Variants in CCDC88A observed in about 807,000 individuals in gnomAD.
The protein encoded by CCDC88A is girdin.
Under a neutral mutation model 234.3 loss-of-function variants are expected in CCDC88A, and 54 were observed. The observed-to-expected ratio is 0.23, with a 90% CI of 0.19 to 0.29. The LOEUF (loss-of-function observed/expected upper bound fraction) is 0.29, where lower values mean the gene tolerates loss of function less well. Among genes scored for constraint, CCDC88A ranks in the 10% least tolerant of loss-of-function variants. CCDC88A has a pLI of 1.00. For missense variants in CCDC88A, 1,832 were observed against 2,123.4 expected (o/e 0.86, Z 2.70); for synonymous variants, 753 against 737.8 (o/e 1.02, Z -0.33).
chr2:55,326,800 A>G (rs981223850), intron 17 of CCDC88A, among the ~76,000 whole-genome samples: 1 of 152,160 alleles, frequency 6.6e-6, no homozygotes, highest in African/African-American at 2.4e-5. Context: ...TGAACTCCCA[A>G]CCTAAAAAGA....
At chr2:55,374,506 T>A (rs7575929) in intron 4 of CCDC88A, among the ~76,000 whole-genome samples, 77,076 of 152,146 alleles carry the variant, frequency 0.51, 21,624 homozygotes, top group Admixed American at 0.63. Context: ...AAGGTAATAT[T>A]CTTTTAAGTT....
rs113209169 is a variant in CCDC88A at position 55,308,897 on chromosome 2, C to T, written c.4299G>A (p.Gln1433=). Residue 1433 remains glutamine, a synonymous_variant, in exon 25 of 33, where the codon CAG becomes CAA. Transcript: ENST00000436346. ...TATCTTGACTGTCTTGATGAGGGAGCTGAAGAAATCCTTCACTGGAGTCTG... is the reference window on the plus strand; with the variant it reads ...TATCTTGACTGTCTTGATGAGGGAGTTGAAGAAATCCTTCACTGGAGTCTG... The part of the protein sequence containing the change: ...TRSDSSEGFL[Q]LPHQDSQDSS... The T allele has an allele frequency of 6.2e-7, 1 of 1,614,062 alleles. No homozygotes were observed. Among genetic ancestry groups the T allele is most frequent in the African/African-American group, 1.3e-5 (1 of 75,030 alleles).
chr2:55,346,838 C>T (rs367557815), intron 9 of CCDC88A, among the ~76,000 whole-genome samples: 76 of 151,934 alleles, frequency 5.0e-4, no homozygotes, highest in African/African-American at 1.7e-3. Flanking sequence ...TTTCCATTAT[C>T]GTGGATATGT....
chr2:55,394,695 T>C (rs1677219189), intron 2 of CCDC88A: 1 of 147,914 alleles, frequency 6.8e-6, no homozygotes, highest in Admixed American at 6.7e-5. Context: ...CATTAGGAGA[T>C]ATACCTAATG....
At chr2:55,372,387 A>C in intron 5 of CCDC88A, 65 bp downstream of exon 5, 2 of 790,702 alleles carry the variant, frequency 2.5e-6, no homozygotes, top group Non-Finnish European at 4.1e-6. Flanking sequence ...TTCAGAAACT[A>C]CAGCCTGATA....
At chr2:55,407,815 T>C (rs1679851511) in intron 2 of CCDC88A, among the ~76,000 whole-genome samples, 2 of 150,564 alleles carry the variant, frequency 1.3e-5, no homozygotes, top group South Asian at 4.3e-4. Flanking sequence ...CCTCCCAGGT[T>C]CAAGGAACTC....
At chr2:55,401,312 C>A (rs1678581079) in intron 2 of CCDC88A, among the ~76,000 whole-genome samples, 1 of 150,324 alleles carries the variant, frequency 6.7e-6, no homozygotes, top group African/African-American at 2.4e-5. Context: ...TGTGTGCCTG[C>A]AGTCCTAGCT....
chr2:55,367,528 G>GTTTTTTTTTTTTTTGTTTTTTTTT, intron 5 of CCDC88A, among the ~76,000 whole-genome samples: 1 of 99,890 alleles, frequency 1.0e-5, no homozygotes, highest in African/African-American at 4.3e-5. Flanking sequence ...TTATTTCCTT[G>GTTTTTTTTTTTTTTGTTTTTTTTT]TTTTTTTTTA....
At chr2:55,377,447 C>T (rs1031382938) in intron 3 of CCDC88A, among the ~76,000 whole-genome samples, 1 of 147,572 alleles carries the variant, frequency 6.8e-6, no homozygotes, top group African/African-American at 2.5e-5. Context: ...CATAGGCCAC[C>T]GTGCCCAGCG....
At chr2:55,322,754 C>G in intron 17 of CCDC88A, 62 bp from the exon 18 acceptor site, 1 of 908,138 alleles carries the variant, frequency 1.1e-6, no homozygotes, top group Non-Finnish European at 1.6e-6. Flanking sequence ...ACATTTCTCT[C>G]AATTAATTTG....
chr2:55,370,641 CAAAAAAAAAAAA>C (rs567431857), intron 5 of CCDC88A, among the ~76,000 whole-genome samples: 3 of 47,512 alleles, frequency 6.3e-5, no homozygotes, highest in Non-Finnish European at 1.3e-4. Flanking sequence ...AACTCTGTCT[CAAAAAAAAAAAA>C]AAAAAAAAAA....
At chr2:55,396,869 CAAAA>C (rs34500780) in intron 2 of CCDC88A, among the ~76,000 whole-genome samples, 13 of 58,868 alleles carry the variant, frequency 2.2e-4, no homozygotes, top group Non-Finnish European at 3.3e-4. Flanking sequence ...GACTCCATCT[CAAAA>C]AAAAAAAAAA....
intron 25 of CCDC88A, among the ~76,000 whole-genome samples, chr2:55,305,317 T>A (rs1391924173): frequency 6.6e-6 from 1 of 152,248 alleles, no homozygotes; most frequent in Admixed American, 6.5e-5. Flanking sequence ...ACAATGTTCA[T>A]TTCCCAAAAC....
chr2:55,385,111 G>A (rs942217670), intron 3 of CCDC88A, among the ~76,000 whole-genome samples: 2 of 151,780 alleles, frequency 1.3e-5, no homozygotes, highest in African/African-American at 4.8e-5. Context: ...ACATATCACT[G>A]CCACCCCCAC....
chr2:55,387,042 T>C (rs1675762297), intron 3 of CCDC88A, among the ~76,000 whole-genome samples: 1 of 151,088 alleles, frequency 6.6e-6, no homozygotes, highest in African/African-American at 2.4e-5. Context: ...CCGGGTGTGG[T>C]AGTGGGCACC....
At chr2:55,367,270 G>A (rs1435526934) in intron 5 of CCDC88A, among the ~76,000 whole-genome samples, 1 of 152,090 alleles carries the variant, frequency 6.6e-6, no homozygotes, top group African/African-American at 2.4e-5. Context: ...ATCATTTAAT[G>A]GGTACAGAGT....
rs1241853658 is a variant in CCDC88A at position 55,309,960 on chromosome 2, A to G, written c.4080-706T>C. Among the ~76,000 whole-genome samples the G allele has an allele frequency of 1.3e-5, 2 of 152,194 alleles. No homozygotes were observed. Among genetic ancestry groups the G allele is most frequent in the Non-Finnish European group, 2.9e-5 (2 of 68,028 alleles). On this transcript the variant is annotated intron_variant, in intron 23 of 32. Transcript: ENST00000436346. The surrounding 1 kb of genome is among the most constrained non-coding windows in gnomAD (Gnocchi z 5.1). ...TCCAAGGTAGTAGCAGTACCAAAAT[A>G]AAATACTGTGCAAGTACAACAGGAA... is the stretch of plus-strand genomic sequence containing the variant.
intron 5 of CCDC88A, among the ~76,000 whole-genome samples, chr2:55,365,273 G>A (rs1342341044): frequency 6.6e-6 from 1 of 151,974 alleles, no homozygotes; most frequent in Non-Finnish European, 1.5e-5. Flanking sequence ...ATACTTGACA[G>A]GCCTTGTAAG....
At chr2:55,340,589 A>C (rs111803714) in intron 12 of CCDC88A, among the ~76,000 whole-genome samples, 1 of 152,222 alleles carries the variant, frequency 6.6e-6, no homozygotes, top group African/African-American at 2.4e-5. Flanking sequence ...GATTATTTAA[A>C]TTTAACTATA....
Sources: gnomAD v4.1 joint callset for allele counts (sites outside exome capture counted in the v4.1 genomes callset) on GRCh38, gnomAD v4.1.1 for gene constraint, Gnocchi (gnomAD v3.1) non-coding constraint, MANE v1.5 for transcripts, NCBI Gene and HGNC (gene_info 2026-07-23, HGNC 2026-07-21) for gene names.